The following RBFOX1 variants were observed in gnomAD, a reference collection of about 807,000 sequenced individuals.
The protein encoded by RBFOX1 is RNA binding protein fox-1 homolog 1.
A neutral mutation model predicts 57.7 loss-of-function variants in RBFOX1; 8 were observed. The ratio of observed to expected loss-of-function variants is 0.14; its 90% confidence interval spans 0.08 to 0.25. The LOEUF is 0.25. Among genes scored for constraint, RBFOX1 ranks in the 10% least tolerant of loss-of-function variants. RBFOX1 has a pLI of 1.00. For synonymous variants in RBFOX1, 326 were observed against 222.4 expected, an observed-to-expected ratio of 1.47 and a Z score of -4.15; for missense variants, 611 against 548.5, an observed-to-expected ratio of 1.11 and a Z score of -1.14.
intron 4 of RBFOX1, among the ~76,000 whole-genome samples, chr16:5,969,364 T>C (rs1487756854): frequency 1.5e-5 from 2 of 137,764 alleles, no homozygotes; most frequent in South Asian, 2.4e-4. Flanking sequence ...CGGGCTGGAG[T>C]GCAATGGTAT....
chr16:6,164,689 G>C (rs999597687), intron 1 of RBFOX1, among the ~76,000 whole-genome samples: 1 of 151,906 alleles, frequency 6.6e-6, no homozygotes, highest in Non-Finnish European at 1.5e-5. Flanking sequence ...ATTTGGCCGG[G>C]CTGGTCTCGA....
At position 6,657,756 on chromosome 16, in the gene RBFOX1, G is replaced by C. The variant is rs544939271; in HGVS notation, c.-16+3106G>C. On this transcript the variant is annotated intron_variant, in intron 3 of 15. Transcript: ENST00000550418. The stretch of plus-strand genomic sequence containing the variant: ...CCTGTCTCTGAAGCGGCAGCCTCTT[G>C]GCCTATGTGGATTTTTACGACTGTT... Among the ~76,000 whole-genome samples the C allele has an allele frequency of 4.1e-3, 623 of 152,202 alleles. 4 individuals are homozygous for C. The highest frequency in any genetic ancestry group is 0.017 in the Middle Eastern group (5 of 294).
intron 1 of RBFOX1, among the ~76,000 whole-genome samples, chr16:6,182,080 G>A (rs543264817): frequency 6.6e-6 from 1 of 152,244 alleles, no homozygotes; most frequent in South Asian, 2.1e-4. Flanking sequence ...TGTGCCCAGG[G>A]AAAATACAAA....
intron 3 of RBFOX1, among the ~76,000 whole-genome samples, chr16:6,915,250 AT>A (rs1221800030): frequency 2.0e-5 from 3 of 152,074 alleles, no homozygotes; most frequent in Admixed American, 6.6e-5. Context: ...GGTCCTCAGC[AT>A]TTCTACTAAT....
chr16:5,462,692 G>C (rs1279415775), intron 1 of RBFOX1, among the ~76,000 whole-genome samples: 1 of 152,124 alleles, frequency 6.6e-6, no homozygotes, highest in African/African-American at 2.4e-5. Flanking sequence ...GGAATTCTAC[G>C]CACCTGTTAG....
chr16:7,344,101 C>CTTTTTTTT (rs61008217), intron 4 of RBFOX1, among the ~76,000 whole-genome samples: 5 of 90,604 alleles, frequency 5.5e-5, no homozygotes, highest in Admixed American at 2.6e-4. Flanking sequence ...CTCAGCTTTA[C>CTTTTTTTT]TTTTTTTTTT....
chr16:6,140,295 G>A (rs183967330), intron 1 of RBFOX1, among the ~76,000 whole-genome samples: 7 of 151,790 alleles, frequency 4.6e-5, no homozygotes, highest in African/African-American at 9.7e-5. Context: ...GGGTTCAAGC[G>A]ATTGTCCTGC....
chr16:6,715,871 C>A (rs149967823), intron 3 of RBFOX1, among the ~76,000 whole-genome samples: 2,221 of 152,294 alleles, frequency 0.015, 36 homozygotes, highest in Middle Eastern at 0.061. Context: ...GGGTATGAAG[C>A]CCCTTTGGGG....
intron 4 of RBFOX1, among the ~76,000 whole-genome samples, chr16:7,170,141 T>C (rs1343429336): frequency 6.6e-6 from 1 of 152,216 alleles, no homozygotes; most frequent in Non-Finnish European, 1.5e-5. Flanking sequence ...TCTTATGTTT[T>C]GCACAGACAG....
intron 3 of RBFOX1, among the ~76,000 whole-genome samples, chr16:5,662,045 C>T (rs944296083): frequency 1.3e-5 from 2 of 152,112 alleles, no homozygotes; most frequent in Admixed American, 6.5e-5. Flanking sequence ...CTCGGCCTCC[C>T]AAAGTGCTGG....
chr16:5,874,699 C>G (rs528719782), intron 4 of RBFOX1, among the ~76,000 whole-genome samples: 1 of 152,228 alleles, frequency 6.6e-6, no homozygotes, highest in East Asian at 1.9e-4. Flanking sequence ...AATCCAAGCA[C>G]TTGGGGAGGC....
chr16:6,727,896 T>A (rs906455498), intron 3 of RBFOX1, among the ~76,000 whole-genome samples: 5 of 152,210 alleles, frequency 3.3e-5, no homozygotes. Context: ...TGATTCCATT[T>A]TGAAATCATA....
At chr16:5,392,987 G>A (rs576403901) in intron 1 of RBFOX1, among the ~76,000 whole-genome samples, 1 of 152,092 alleles carries the variant, frequency 6.6e-6, no homozygotes, top group Admixed American at 6.5e-5. Flanking sequence ...GTGTTGAGTG[G>A]GATGTGGTAC....
chr16:7,202,658 GC>G (rs1291293537), intron 4 of RBFOX1, among the ~76,000 whole-genome samples: 2 of 152,304 alleles, frequency 1.3e-5, no homozygotes, highest in Admixed American at 6.5e-5. Flanking sequence ...TGTCAGAGCA[GC>G]CACGGCATTA....
intron 3 of RBFOX1, among the ~76,000 whole-genome samples, chr16:5,852,887 A>G (rs2056931866): frequency 1.3e-5 from 2 of 152,228 alleles, no homozygotes; most frequent in South Asian, 4.2e-4. Context: ...CCCTGCCAGC[A>G]GACTCTTACC....
At chr16:6,138,510 G>A (rs1016952655) in intron 1 of RBFOX1, among the ~76,000 whole-genome samples, 1 of 152,136 alleles carries the variant, frequency 6.6e-6, no homozygotes, top group Admixed American at 6.5e-5. Context: ...CCTTTTTAAA[G>A]CCAGGAAGGG....
In RBFOX1 at chr16:5,996,940, C is replaced by T. The variant is rs140640405; in HGVS notation, c.351+129605C>T. Among the ~76,000 whole-genome samples the T allele has an allele frequency of 3.1e-3, 470 of 152,268 alleles. 3 individuals are homozygous for T. The highest frequency in any genetic ancestry group is 0.011 in the African/African-American group (456 of 41,540). ...TTACTTTTGCATCAACCTAATAGTT[C>T]GTCCAAACTGACGAGCAAGCACCTC... On this transcript the variant is annotated intron_variant, in intron 4 of 19. Coordinates refer to the RBFOX1 transcript ENST00000641259.
chr16:5,944,629 C>T (rs1024529919), intron 4 of RBFOX1, among the ~76,000 whole-genome samples: 5 of 151,136 alleles, frequency 3.3e-5, no homozygotes, highest in African/African-American at 9.7e-5. Flanking sequence ...ATACTGTCCC[C>T]GCCATTGTCA....
intron 4 of RBFOX1, among the ~76,000 whole-genome samples, chr16:7,155,738 TACACAC>T (rs138509367): frequency 9.8e-4 from 74 of 75,510 alleles, no homozygotes; most frequent in Middle Eastern, 0.013. Context: ...TATATATATA[TACACAC>T]ACACACACAC....
Sources: allele counts gnomAD v4.1 joint callset (sites outside exome capture counted in the v4.1 genomes callset), GRCh38; gene constraint gnomAD v4.1.1; transcripts MANE v1.5; gene names NCBI Gene and HGNC (gene_info 2026-07-23, HGNC 2026-07-21).